MCC: variants seen among roughly 807,000 people sequenced by gnomAD.
The protein encoded by MCC is MCC regulator of Wnt signaling pathway, also known as colorectal mutant cancer protein.
MCC carries 90 observed loss-of-function variants against 116.2 expected under a neutral mutation model. That is an observed-to-expected ratio of 0.77 (90% CI 0.65 to 0.92). The LOEUF (loss-of-function observed/expected upper bound fraction) is 0.92, where lower values mean the gene tolerates loss of function less well. MCC is among the 40% of genes least tolerant of loss of function. The pLI is 0.00. For synonymous variants in MCC, 578 were observed against 510.5 expected (o/e 1.13, Z -1.78); for missense variants, 1,516 against 1,312.2 (o/e 1.16, Z -2.40).
At chr5:113,178,079 G>A (rs1368389714) in intron 3 of MCC, among the ~76,000 whole-genome samples, 2 of 152,210 alleles carry the variant, frequency 1.3e-5, no homozygotes, top group African/African-American at 4.8e-5. Flanking sequence ...AACAGGGCTT[G>A]CAAATCAGAA....
At chr5:113,281,580 G>C (rs1766049478) in intron 3 of MCC, among the ~76,000 whole-genome samples, 1 of 152,132 alleles carries the variant, frequency 6.6e-6, no homozygotes, top group African/African-American at 2.4e-5. Flanking sequence ...TAGGGCAAAA[G>C]TCATAAAAAT....
chr5:113,272,325 G>C (rs1042807612), intron 3 of MCC, among the ~76,000 whole-genome samples: 14 of 152,102 alleles, frequency 9.2e-5, no homozygotes, highest in Non-Finnish European at 2.1e-4. Context: ...TTCTGCTGGT[G>C]ATTTTCAAAT....
chr5:113,331,463 T>C (rs1197455121), intron 3 of MCC, among the ~76,000 whole-genome samples: 1 of 151,700 alleles, frequency 6.6e-6, no homozygotes, highest in East Asian at 1.9e-4. Flanking sequence ...CCTACAGTCT[T>C]GGTTCTACTA....
intron 3 of MCC, among the ~76,000 whole-genome samples, chr5:113,271,446 A>C (rs115146667): frequency 0.016 from 2,456 of 152,326 alleles, 46 homozygotes; most frequent in African/African-American, 0.039. Context: ...CCTTATGATC[A>C]GTCATCCTTA....
At chr5:113,406,926 T>C (rs577997738) in intron 1 of MCC, among the ~76,000 whole-genome samples, 3 of 152,304 alleles carry the variant, frequency 2.0e-5, no homozygotes, top group Admixed American at 6.5e-5. Context: ...CCCTTGAGCC[T>C]GGCCCATCTG....
chr5:113,266,152 A>T (rs1466449323), intron 3 of MCC, among the ~76,000 whole-genome samples: 1 of 152,146 alleles, frequency 6.6e-6, no homozygotes, highest in Non-Finnish European at 1.5e-5. Context: ...CCCCTAAAAA[A>T]TAACTATATT....
rs572439900 is a variant in MCC at position 113,022,220 on chromosome 5, G to A, written c.*5082C>T. Reference sequence around the variant, plus strand: ...ATTCTATATCAAATAACGCAAAGTAGCTATTTTACAGCAGCTAAAACTAAA... The same window carrying A: ...ATTCTATATCAAATAACGCAAAGTAACTATTTTACAGCAGCTAAAACTAAA... On this transcript the variant is annotated 3_prime_UTR_variant, in exon 19 of 19. Coordinates refer to ENST00000408903, the MANE Select transcript of MCC (RefSeq NM_001085377.2). 1.4e-4 allele frequency: 22 copies of A among 152,742 alleles called. No individual in the cohort carries two copies. The highest frequency in any genetic ancestry group is 5.3e-4 in the African/African-American group (22 of 41,566). 9.5% of individuals were successfully genotyped at this position (152,742 alleles called of 1,614,324 possible). A position where few individuals can be genotyped will look rare whatever the true frequency, so the allele number is the denominator to read the frequency against.
At chr5:113,116,324 G>A (rs1425668033) in intron 6 of MCC, among the ~76,000 whole-genome samples, 1 of 152,194 alleles carries the variant, frequency 6.6e-6, no homozygotes, top group Non-Finnish European at 1.5e-5. Flanking sequence ...TGGGGATGCG[G>A]TAACAACACT....
chr5:113,190,139 A>C (rs375825522), intron 3 of MCC, among the ~76,000 whole-genome samples: 1 of 152,232 alleles, frequency 6.6e-6, no homozygotes, highest in African/African-American at 2.4e-5. Flanking sequence ...GGCAGCTGCT[A>C]TAACAGTCTT....
intron 8 of MCC, among the ~76,000 whole-genome samples, chr5:113,089,846 G>C (rs1755471700): frequency 6.6e-6 from 1 of 152,212 alleles, no homozygotes; most frequent in South Asian, 2.1e-4. Context: ...TGATTCAGTG[G>C]ATCATGGAGT....
rs537065904 is a variant in MCC at position 113,445,769 on chromosome 5, G to GA, written c.170+42475dup. On this transcript the variant is annotated intron_variant, in intron 1 of 18. Coordinates refer to ENST00000408903, the MANE Select transcript of MCC (RefSeq NM_001085377.2). ...AACTATTCTAATACTCATATAGAAT[G>GA]AAAAAATACCCCACATAGCCAAAGC... Among the ~76,000 whole-genome samples the GA allele has an allele frequency of 1.2e-4, 19 of 152,160 alleles. No homozygotes were observed. The East Asian group carries it at 3.5e-3, about 28-fold the overall frequency.
At position 113,093,118 on chromosome 5, in the gene MCC, A is replaced by T. The variant is rs183615579; in HGVS notation, c.1399-7808T>A. On this transcript the variant is annotated intron_variant, in intron 8 of 18. Transcript: ENST00000408903. Reference sequence around the variant, plus strand: ...CAGCAGAGTAACATTTAAATAAATTAAAAGTAATGCAAAACACTATCTTAG... The same window carrying T: ...CAGCAGAGTAACATTTAAATAAATTTAAAGTAATGCAAAACACTATCTTAG... Among the ~76,000 whole-genome samples the T allele has an allele frequency of 9.2e-5, 14 of 152,372 alleles. No homozygotes were observed. In the Middle Eastern group the frequency reaches 0.01, roughly 111 times the overall value.
At chr5:113,342,351 A>G (rs539790215) in intron 2 of MCC, among the ~76,000 whole-genome samples, 1 of 152,326 alleles carries the variant, frequency 6.6e-6, no homozygotes, top group Admixed American at 6.5e-5. Context: ...TGGGTAGATA[A>G]CCAGGAGTGG....
At chr5:113,389,177 G>T (rs147355281) in intron 1 of MCC, among the ~76,000 whole-genome samples, 1 of 152,298 alleles carries the variant, frequency 6.6e-6, no homozygotes, top group East Asian at 1.9e-4. Context: ...TTTATATCAA[G>T]AGCTAAGTCT....
chr5:113,095,662 G>A (rs1581047121), intron 8 of MCC, among the ~76,000 whole-genome samples: 1 of 151,518 alleles, frequency 6.6e-6, no homozygotes, highest in African/African-American at 2.4e-5. Context: ...GGGACTATGG[G>A]TGCACACCAT....
chr5:113,485,176 C>A lies in MCC; in HGVS notation c.170+3069G>T, dbSNP rs549594898. On this transcript the variant is annotated intron_variant, in intron 1 of 18. Coordinates refer to ENST00000408903, the MANE Select transcript of MCC (RefSeq NM_001085377.2). Reference sequence around the variant, plus strand: ...GAAAGCACAAAGCACCACCCCTTACCTCCCTGACATTTCCCCTCACGGCCC... The same window carrying A: ...GAAAGCACAAAGCACCACCCCTTACATCCCTGACATTTCCCCTCACGGCCC... 2.6e-4 allele frequency among the ~76,000 whole-genome samples: 40 copies of A among 152,250 alleles called. 1 individual carries two copies. The highest frequency in any genetic ancestry group is 4.6e-4 in the Admixed American group (7 of 15,302).
At chr5:113,351,240 G>A (rs1429285710) in intron 2 of MCC, among the ~76,000 whole-genome samples, 1 of 152,108 alleles carries the variant, frequency 6.6e-6, no homozygotes, top group East Asian at 1.9e-4. Flanking sequence ...ACACTCCCAT[G>A]TTCATTGCAG....
chr5:113,259,588 C>A (rs1219408186), intron 3 of MCC, among the ~76,000 whole-genome samples: 2 of 152,124 alleles, frequency 1.3e-5, no homozygotes, highest in Non-Finnish European at 2.9e-5. Context: ...GTGAAGTCTA[C>A]TTTGTTTATT....
chr5:113,048,529 A>G (rs1352180667), intron 16 of MCC: 1 of 153,196 alleles, frequency 6.5e-6, no homozygotes, highest in Admixed American at 6.5e-5. Context: ...TAAAAGCCCC[A>G]AAGTGCAACA....
Sources: gnomAD v4.1 joint callset for allele counts (sites outside exome capture counted in the v4.1 genomes callset) on GRCh38, gnomAD v4.1.1 for gene constraint, MANE v1.5 for transcripts, NCBI Gene and HGNC (gene_info 2026-07-23, HGNC 2026-07-21) for gene names.